CRLS1: variants seen among roughly 807,000 people sequenced by gnomAD.
CRLS1 encodes cardiolipin synthase (CMP-forming).
In CRLS1, 24 loss-of-function variants were observed where a neutral mutation model predicts 37.0. That is an observed-to-expected ratio of 0.65 (90% CI 0.47 to 0.91). The LOEUF is 0.91. Among genes scored for constraint, CRLS1 ranks in the 40% least tolerant of loss-of-function variants. CRLS1 has a pLI of 0.00. For synonymous variants in CRLS1, 135 were observed against 159.7 expected (o/e 0.85, Z 1.17); for missense variants, 373 against 395.8 (o/e 0.94, Z 0.49).
chr20:6,035,257 T>G (rs2123032667), intron 6 of CRLS1, among the ~76,000 whole-genome samples: 1 of 152,338 alleles, frequency 6.6e-6, no homozygotes, highest in African/African-American at 2.4e-5. Context: ...AATATTTAAG[T>G]GTACATTTAT....
At chr20:6,027,574 C>A (rs894620871) in intron 3 of CRLS1, among the ~76,000 whole-genome samples, 1 of 150,242 alleles carries the variant, frequency 6.7e-6, no homozygotes, top group Non-Finnish European at 1.5e-5. Context: ...ACCACCACGC[C>A]GAGCTAATTT....
intron 4 of CRLS1, 39 bp downstream of exon 4, chr20:6,031,409 T>C: frequency 6.9e-7 from 1 of 1,453,400 alleles, no homozygotes; most frequent in Non-Finnish European, 9.4e-7. Flanking sequence ...TAGCATTATA[T>C]ATGATTTAAG....
chr20:6,011,316 T>G (rs977980808), intron 2 of CRLS1, among the ~76,000 whole-genome samples: 27 of 152,074 alleles, frequency 1.8e-4, no homozygotes. Flanking sequence ...ACATCAGCTG[T>G]TCTCTTCGAG....
chr20:6,032,882 G>A (rs187300861), intron 5 of CRLS1, among the ~76,000 whole-genome samples: 101 of 152,032 alleles, frequency 6.6e-4, no homozygotes, highest in African/African-American at 2.3e-3. Context: ...TCCCTGGGGT[G>A]GACTTTCATC....
intron 2 of CRLS1, among the ~76,000 whole-genome samples, chr20:6,011,546 A>G (rs966442274): frequency 1.8e-5 from 2 of 110,496 alleles, no homozygotes; most frequent in Non-Finnish European, 3.6e-5. Context: ...CATTCTCACA[A>G]TCTTTCTCCT....
intron 1 of CRLS1, chr20:6,007,289 A>C: frequency 6.4e-7 from 1 of 1,565,836 alleles, no homozygotes; most frequent in East Asian, 2.3e-5. Flanking sequence ...AGATCCTGGC[A>C]GGGGTCTCAA....
Position 6,038,414 on chromosome 20 carries a change from C to T in CRLS1, c.*1256C>T, listed in dbSNP as rs983447287. On this transcript the variant is annotated 3_prime_UTR_variant, in exon 7 of 7. Transcript: ENST00000378863. ...GGGAGGCTGTAAGTAAAACTCATGC[C>T]TCTTGGCCAGGCATTCTGCACCAGC... 6 of 152,334 alleles carry T rather than the reference C, an allele frequency of 3.9e-5. No homozygotes were observed. Among genetic ancestry groups the T allele is most frequent in the Non-Finnish European group, 8.8e-5 (6 of 68,088 alleles). 9.4% of individuals were successfully genotyped at this position (152,334 alleles called of 1,614,324 possible).
At position 6,039,596 on chromosome 20, in the gene CRLS1, C is replaced by T. The variant is rs1173613554; in HGVS notation, c.*2438C>T. 1 of 152,152 alleles carries T rather than the reference C, an allele frequency of 6.6e-6. No homozygotes were observed. The highest frequency in any genetic ancestry group is 1.5e-5 in the Non-Finnish European group (1 of 68,016). The allele number at this position is 152,152 out of a possible 1,614,324, so 9.4% of individuals were successfully genotyped here. On this transcript the variant is annotated 3_prime_UTR_variant, in exon 7 of 7. Transcript: ENST00000378863. ...AAGTAAATGCTCTTGTGGCTTGAAT[C>T]GCATCTCCCAAGAAAGATACGTTCA...
chr20:6,037,419 A>C lies in CRLS1; in HGVS notation c.*261A>C. The C allele has an allele frequency of 3.8e-6, 1 of 265,720 alleles. No individual in the cohort carries two copies. The highest frequency in any genetic ancestry group is 7.0e-6 in the Non-Finnish European group (1 of 142,884). 16.5% of individuals were successfully genotyped at this position (265,720 alleles called of 1,614,324 possible). On this transcript the variant is annotated 3_prime_UTR_variant, in exon 7 of 7. Coordinates refer to ENST00000378863, the MANE Select transcript of CRLS1 (RefSeq NM_019095.6). ...TCTTAGGTTTCTTGATTAATTTATA[A>C]GAGATCAATTATTGTCAGTCTTTTT...
Position 6,006,547 on chromosome 20 carries a change from A to G in CRLS1, c.301A>G (p.Ser101Gly). The G allele has an allele frequency of 7.7e-7, 1 of 1,302,912 alleles. No homozygotes were observed. The highest frequency in any genetic ancestry group is 2.4e-5 in the South Asian group (1 of 42,322). 80.7% of individuals were successfully genotyped at this position (1,302,912 alleles called of 1,614,324 possible). Residue 101 changes from serine (S) to glycine (G), a missense_variant, in exon 1 of 7, where the codon AGC becomes GGC. Transcript: ENST00000378863. Reference protein sequence around the residue: ...GGQWGPASTPSLYENPWTIPN... With the variant: ...GGQWGPASTPGLYENPWTIPN... ...CCAGTGGGGCCCGGCGAGCACCCCCAGCCTGGTACGTACCGATGAGGCGGC... is the reference window on the plus strand; with the variant it reads ...CCAGTGGGGCCCGGCGAGCACCCCCGGCCTGGTACGTACCGATGAGGCGGC...
At chr20:6,007,430 T>C in intron 1 of CRLS1, 1 of 1,611,786 alleles carries the variant, frequency 6.2e-7, no homozygotes, top group South Asian at 1.1e-5. Context: ...TTGAGTAATC[T>C]GAGATTAGCT....
In CRLS1 at chr20:6,034,554, T is replaced by C. The variant is rs758352834; in HGVS notation, c.820T>C (p.Trp274Arg). The C allele has an allele frequency of 1.9e-5, 30 of 1,601,906 alleles. No homozygotes were observed. The South Asian group carries it at 3.3e-4, about 18-fold the overall frequency. ...YADSIYLQIL[W>R]CFTAFTTAAS... ...TGACAGCATTTATCTTCAGATACTATGGTAAGCTAAATTTAGAATCACTCT... is the reference window on the plus strand; with the variant it reads ...TGACAGCATTTATCTTCAGATACTACGGTAAGCTAAATTTAGAATCACTCT... Residue 274 changes from tryptophan to arginine, a missense_variant and splice_region_variant, in exon 6 of 7, where the codon TGG (tryptophan) becomes CGG (arginine). Trp to Arg is a moderately radical substitution (Grantham distance 101). Transcript: ENST00000378863.
chr20:6,011,803 C>G (rs1600351690), intron 2 of CRLS1, among the ~76,000 whole-genome samples: 1 of 151,362 alleles, frequency 6.6e-6, no homozygotes, highest in Middle Eastern at 3.4e-3. Context: ...CCAGGCTGGT[C>G]TCGAGCTCCT....
chr20:6,036,534 A>G (rs1341370312), intron 6 of CRLS1, among the ~76,000 whole-genome samples: 1 of 152,244 alleles, frequency 6.6e-6, no homozygotes, highest in Non-Finnish European at 1.5e-5. Flanking sequence ...AGAATTCTCA[A>G]AAGCTGCAGG....
At chr20:6,026,499 T>C (rs1979722613) in intron 3 of CRLS1, among the ~76,000 whole-genome samples, 1 of 152,236 alleles carries the variant, frequency 6.6e-6, no homozygotes, top group Non-Finnish European at 1.5e-5. Flanking sequence ...CTTCAATGTC[T>C]CTGAGGCATG....
chr20:6,027,712 G>A (rs1979831498), intron 3 of CRLS1, among the ~76,000 whole-genome samples: 1 of 152,174 alleles, frequency 6.6e-6, no homozygotes, highest in African/African-American at 2.4e-5. Context: ...ACCCCGCCCA[G>A]CCTGGAAATT....
intron 1 of CRLS1, chr20:6,006,753 G>A (rs2090061985): frequency 1.0e-6 from 1 of 985,370 alleles, no homozygotes; most frequent in Non-Finnish European, 1.2e-6. Context: ...CGGTCTCTGT[G>A]GTCAAGTTAG....
intron 3 of CRLS1, among the ~76,000 whole-genome samples, chr20:6,022,345 T>G (rs984217641): frequency 6.6e-6 from 1 of 150,410 alleles, no homozygotes; most frequent in African/African-American, 2.4e-5. Context: ...CTTTTTTTTT[T>G]TTTTTTTTTT....
chr20:6,021,682 C>G (rs1696314606), intron 3 of CRLS1, among the ~76,000 whole-genome samples: 1 of 152,090 alleles, frequency 6.6e-6, no homozygotes, highest in Non-Finnish European at 1.5e-5. Context: ...AGTCTTTTAA[C>G]AGAAGCATTT....
Sources: gnomAD v4.1 joint callset for allele counts (sites outside exome capture counted in the v4.1 genomes callset) on GRCh38, gnomAD v4.1.1 for gene constraint, MANE v1.5 for transcripts, NCBI Gene and HGNC (gene_info 2026-07-23, HGNC 2026-07-21) for gene names.